SAMSN1: variants seen among roughly 807,000 people sequenced by gnomAD.
The protein encoded by SAMSN1 is SAM domain, SH3 domain and nuclear localization signals 1.
SAMSN1 carries 31 observed loss-of-function variants against 42.0 expected under a neutral mutation model. That is an observed-to-expected ratio of 0.74 (90% CI 0.55 to 1.00). SAMSN1 has a LOEUF of 1.00. SAMSN1 is among the 50% of genes least tolerant of loss of function. The probability of loss-of-function intolerance (pLI) is 0.00; values close to 1 mark genes in which losing one functional copy is unlikely to be tolerated. For synonymous variants in SAMSN1, 178 were observed against 151.9 expected, an observed-to-expected ratio of 1.17 and a Z score of -1.26; for missense variants, 464 against 439.4, an observed-to-expected ratio of 1.06 and a Z score of -0.50.
intron 2 of SAMSN1, among the ~76,000 whole-genome samples, chr21:14,626,519 A>T: frequency 6.6e-6 from 1 of 152,226 alleles, no homozygotes; most frequent in South Asian, 2.1e-4. Flanking sequence ...GCCAAAAGAC[A>T]CATGAAAAAA....
chr21:14,495,668 G>C (rs1986887262), intron 7 of SAMSN1: 1 of 151,976 alleles, frequency 6.6e-6, no homozygotes, highest in African/African-American at 2.4e-5. Context: ...TTTATGCAGG[G>C]GAATAATTTC....
At chr21:14,635,132 G>A (rs1364838960) in intron 2 of SAMSN1, among the ~76,000 whole-genome samples, 1 of 152,162 alleles carries the variant, frequency 6.6e-6, no homozygotes, top group African/African-American at 2.4e-5. Flanking sequence ...GTTGAACAAT[G>A]AGAACACATG....
intron 5 of SAMSN1, among the ~76,000 whole-genome samples, chr21:14,606,304 T>A (rs1037779971): frequency 7.3e-4 from 111 of 152,334 alleles, no homozygotes; most frequent in African/African-American, 2.4e-3. Context: ...ACAGTTACAC[T>A]GATTGATTGA....
intron 2 of SAMSN1, among the ~76,000 whole-genome samples, chr21:14,624,821 C>T (rs979924456): frequency 7.2e-5 from 11 of 152,028 alleles, no homozygotes; most frequent in Non-Finnish European, 1.3e-4. Flanking sequence ...AGAGACACAA[C>T]CAAAAAAGAG....
At chr21:14,627,772 A>G (rs1030608393) in intron 2 of SAMSN1, among the ~76,000 whole-genome samples, 17 of 152,220 alleles carry the variant, frequency 1.1e-4, no homozygotes, top group Non-Finnish European at 2.9e-5. Flanking sequence ...AAACAAAAAA[A>G]AGTAAAATGA....
At chr21:14,579,779 G>A (rs1256378890) in intron 2 of SAMSN1, among the ~76,000 whole-genome samples, 4 of 151,662 alleles carry the variant, frequency 2.6e-5, no homozygotes, top group Non-Finnish European at 5.9e-5. Context: ...ACCACACCTG[G>A]CCACTTCTTC....
intron 2 of SAMSN1, among the ~76,000 whole-genome samples, chr21:14,618,554 A>G (rs1437024872): frequency 6.6e-6 from 1 of 152,194 alleles, no homozygotes; most frequent in Non-Finnish European, 1.5e-5. Flanking sequence ...ACATAAGCAG[A>G]CTGTCACGTA....
At chr21:14,572,217 T>A (rs1981323827) in intron 2 of SAMSN1, among the ~76,000 whole-genome samples, 1 of 152,184 alleles carries the variant, frequency 6.6e-6, no homozygotes, top group Admixed American at 6.5e-5. Flanking sequence ...TAAGTTCCAA[T>A]TAGGTGTCAG....
intron 1 of SAMSN1, among the ~76,000 whole-genome samples, chr21:14,658,148 G>C (rs1983945412): frequency 6.6e-6 from 1 of 151,746 alleles, no homozygotes. Context: ...ATGACTACCT[G>C]ATAACTTTCA....
intron 1 of SAMSN1, among the ~76,000 whole-genome samples, chr21:14,544,408 G>C (rs1980254375): frequency 6.6e-6 from 1 of 152,078 alleles, no homozygotes; most frequent in Non-Finnish European, 1.5e-5. Context: ...AAATAAATGT[G>C]AATTATGAGG....
At chr21:14,596,968 T>C (rs1426288812) in intron 6 of SAMSN1, among the ~76,000 whole-genome samples, 1 of 152,172 alleles carries the variant, frequency 6.6e-6, no homozygotes, top group Non-Finnish European at 1.5e-5. Flanking sequence ...TCAATAGATT[T>C]GTAATACAAT....
intron 2 of SAMSN1, among the ~76,000 whole-genome samples, chr21:14,517,382 T>C (rs999752569): frequency 6.6e-6 from 1 of 152,216 alleles, no homozygotes; most frequent in African/African-American, 2.4e-5. Context: ...AAACACCAGG[T>C]ATAAGGAGTT....
chr21:14,521,712 G>C, intron 1 of SAMSN1, among the ~76,000 whole-genome samples: 1 of 152,074 alleles, frequency 6.6e-6, no homozygotes, highest in Non-Finnish European at 1.5e-5. Context: ...GGCCTGTGGG[G>C]TGGAGGGCAG....
intron 2 of SAMSN1, among the ~76,000 whole-genome samples, chr21:14,570,855 C>G (rs1040635143): frequency 6.6e-6 from 1 of 152,178 alleles, no homozygotes; most frequent in East Asian, 1.9e-4. Flanking sequence ...TGGCTTAAAA[C>G]AGTTCTTGCT....
chr21:14,489,859 G>A (rs1040709948), intron 7 of SAMSN1, among the ~76,000 whole-genome samples: 1 of 151,884 alleles, frequency 6.6e-6, no homozygotes, highest in African/African-American at 2.4e-5. Flanking sequence ...AACAGAAGAC[G>A]TCTAATATAA....
chr21:14,643,701 T>G (rs1310131502), intron 1 of SAMSN1, among the ~76,000 whole-genome samples: 1 of 152,174 alleles, frequency 6.6e-6, no homozygotes, highest in Non-Finnish European at 1.5e-5. Flanking sequence ...AACACCCTCA[T>G]AAGAATCAAA....
intron 5 of SAMSN1, among the ~76,000 whole-genome samples, chr21:14,606,222 T>C (rs1982568119): frequency 1.3e-5 from 2 of 152,192 alleles, no homozygotes; most frequent in South Asian, 2.1e-4. Flanking sequence ...TTTTCTGACT[T>C]TGTCTGGTCC....
chr21:14,642,130 G>A (rs1052121267), intron 2 of SAMSN1, among the ~76,000 whole-genome samples: 12 of 152,166 alleles, frequency 7.9e-5, no homozygotes, highest in Non-Finnish European at 1.3e-4. Context: ...GGAGGACGAG[G>A]AATAGGAGCA....
chr21:14,625,389 A>T (rs1983139316), intron 2 of SAMSN1, among the ~76,000 whole-genome samples: 1 of 152,240 alleles, frequency 6.6e-6, no homozygotes, highest in African/African-American at 2.4e-5. Flanking sequence ...CCATAGTCTC[A>T]GCCCTAAATC....
Sources: allele counts gnomAD v4.1 joint callset (sites outside exome capture counted in the v4.1 genomes callset), GRCh38; gene constraint gnomAD v4.1.1; transcripts MANE v1.5; gene names NCBI Gene and HGNC (gene_info 2026-07-23, HGNC 2026-07-21).